PTPRD: variants seen among roughly 807,000 people sequenced by gnomAD.
PTPRD encodes the protein protein tyrosine phosphatase receptor type D.
In PTPRD, 34 loss-of-function variants were observed where a neutral mutation model predicts 214.5. The observed-to-expected ratio is 0.16, with a 90% confidence interval of 0.12 to 0.21. The LOEUF is 0.21. Among genes scored for constraint, PTPRD ranks in the 10% least tolerant of loss-of-function variants. The pLI is 1.00. For synonymous variants in PTPRD, 1,128 were observed against 845.7 expected (o/e 1.33, Z -5.79); for missense variants, 2,545 against 2,398.7 (o/e 1.06, Z -1.27).
chr9:10,550,666 T>G (rs886961456), intron 2 of PTPRD, among the ~76,000 whole-genome samples: 3 of 152,152 alleles, frequency 2.0e-5, no homozygotes, highest in African/African-American at 7.2e-5. Context: ...ACTTTGGAGC[T>G]GAGAGAGTGT....
intron 7 of PTPRD, among the ~76,000 whole-genome samples, chr9:9,605,720 A>T (rs1012717693): frequency 2.0e-5 from 3 of 152,104 alleles, no homozygotes; most frequent in African/African-American, 7.2e-5. Context: ...TACAAGGGCA[A>T]CAACTAGATT....
intron 11 of PTPRD, among the ~76,000 whole-genome samples, chr9:8,905,285 G>A (rs1052183329): frequency 6.6e-6 from 1 of 151,750 alleles, no homozygotes; most frequent in Non-Finnish European, 1.5e-5. Flanking sequence ...TCATAGATAT[G>A]TATAAACTTG....
chr9:10,274,917 T>C (rs1044522830), intron 3 of PTPRD, among the ~76,000 whole-genome samples: 1 of 152,128 alleles, frequency 6.6e-6, no homozygotes, highest in Non-Finnish European at 1.5e-5. Flanking sequence ...GGGTGTATTG[T>C]AGTGACTAGG....
rs150389754 is a variant in PTPRD, at chr9:10,534,967, G to A, written c.-600+77431C>T. On this transcript the variant is annotated intron_variant, in intron 2 of 45. Transcript: ENST00000381196. ...AACATTGCAGCCCACTTCAGTTTAT[G>A]TAGGCAGTCAGCCTTTTATCGCTGT... 6.8e-4 allele frequency among the ~76,000 whole-genome samples: 104 copies of A among 152,244 alleles called. 1 individual carries two copies. Among genetic ancestry groups the A allele is most frequent in the African/African-American group, 2.4e-3 (98 of 41,572 alleles).
intron 33 of PTPRD, among the ~76,000 whole-genome samples, chr9:8,459,078 CTTTTT>C (rs1359509338): frequency 6.6e-6 from 1 of 151,808 alleles, no homozygotes; most frequent in Non-Finnish European, 1.5e-5. Flanking sequence ...GAAGGAGTTT[CTTTTT>C]TTAAGAGTCA....
At chr9:8,747,765 C>A (rs1466382469) in intron 11 of PTPRD, among the ~76,000 whole-genome samples, 1 of 152,156 alleles carries the variant, frequency 6.6e-6, no homozygotes, top group Admixed American at 6.5e-5. Flanking sequence ...CCAAACCTTT[C>A]ACTTAGGCAT....
chr9:10,265,611 T>C (rs1452086573), intron 3 of PTPRD, among the ~76,000 whole-genome samples: 1 of 152,210 alleles, frequency 6.6e-6, no homozygotes, highest in African/African-American at 2.4e-5. Context: ...AACTCTGTCA[T>C]TGTAGCACAA....
intron 34 of PTPRD, among the ~76,000 whole-genome samples, chr9:8,444,275 C>G (rs1424279640): frequency 1.3e-5 from 2 of 152,088 alleles, no homozygotes; most frequent in Non-Finnish European, 2.9e-5. Flanking sequence ...TTGTCATTAT[C>G]TGTTAAAAAG....
intron 2 of PTPRD, among the ~76,000 whole-genome samples, chr9:10,352,769 T>G (rs2097204477): frequency 6.6e-6 from 1 of 152,008 alleles, no homozygotes; most frequent in Admixed American, 6.6e-5. Context: ...TTAAATCTGT[T>G]GTGTAAATGA....
intron 7 of PTPRD, among the ~76,000 whole-genome samples, chr9:9,655,044 G>A (rs1174712968): frequency 1.3e-5 from 2 of 151,808 alleles, no homozygotes; most frequent in Non-Finnish European, 2.9e-5. Flanking sequence ...CTACCTATCT[G>A]AAATGTTTAC....
chr9:8,515,482 C>T (rs2097767183), intron 21 of PTPRD, among the ~76,000 whole-genome samples: 1 of 152,156 alleles, frequency 6.6e-6, no homozygotes, highest in Admixed American at 6.6e-5. Flanking sequence ...TCCCCAGTAC[C>T]TCAGAGCATA....
intron 7 of PTPRD, among the ~76,000 whole-genome samples, chr9:9,576,617 A>G (rs1357824202): frequency 6.6e-6 from 1 of 152,188 alleles, no homozygotes; most frequent in Non-Finnish European, 1.5e-5. Flanking sequence ...AGGTGCAGCA[A>G]ATTAAATTTT....
At chr9:8,502,230 C>T (rs1410619916) in intron 23 of PTPRD, among the ~76,000 whole-genome samples, 1 of 151,932 alleles carries the variant, frequency 6.6e-6, no homozygotes, top group African/African-American at 2.4e-5. Flanking sequence ...ATATTATGTT[C>T]CTAAAGAAAA....
chr9:8,489,294 A>G (rs1038304670), intron 27 of PTPRD, among the ~76,000 whole-genome samples: 1 of 152,162 alleles, frequency 6.6e-6, no homozygotes, highest in African/African-American at 2.4e-5. Context: ...ATCCTGGGAC[A>G]GAAAGGCTTG....
intron 9 of PTPRD, among the ~76,000 whole-genome samples, chr9:9,358,527 T>G (rs1456601695): frequency 6.6e-6 from 1 of 151,278 alleles, no homozygotes; most frequent in African/African-American, 2.4e-5. Context: ...TTAAAATGAA[T>G]GTCATATTTT....
chr9:9,101,905 T>C (rs557882180), intron 10 of PTPRD, among the ~76,000 whole-genome samples: 1 of 152,304 alleles, frequency 6.6e-6, no homozygotes, highest in Non-Finnish European at 1.5e-5. Flanking sequence ...AAAAATTGAC[T>C]ATCCTGAGTT....
In PTPRD at chr9:9,831,227, A is replaced by G. The variant is rs141679310; in HGVS notation, c.-367-64376T>C. Among the ~76,000 whole-genome samples, 465 of 152,044 alleles carry G rather than the reference A, an allele frequency of 3.1e-3. 4 individuals carry two copies. The highest frequency in any genetic ancestry group is 0.011 in the African/African-American group (439 of 41,520). ...AGCATAAATACAGTGAACGACACAC[A>G]CTTCTAAATTCTCTGCTAAAGGAAC... On this transcript the variant is annotated intron_variant, in intron 5 of 45. Transcript: ENST00000381196.
intron 2 of PTPRD, among the ~76,000 whole-genome samples, chr9:10,358,315 T>A (rs191446148): frequency 1.0e-3 from 158 of 152,186 alleles, no homozygotes; most frequent in African/African-American, 3.8e-3. Context: ...TTAGCATAAA[T>A]TTAATGCATG....
At chr9:10,523,601 G>GTATATATATCTATATATATATA (rs2053145468) in intron 2 of PTPRD, among the ~76,000 whole-genome samples, 1 of 64,336 alleles carries the variant, frequency 1.6e-5, no homozygotes, top group Non-Finnish European at 3.2e-5. Context: ...ATATTTATCT[G>GTATATATATCTATATATATATA]TATATATATA....
Sources: gnomAD v4.1 joint callset for allele counts (sites outside exome capture counted in the v4.1 genomes callset) on GRCh38, gnomAD v4.1.1 for gene constraint, MANE v1.5 for transcripts, NCBI Gene and HGNC (gene_info 2026-07-23, HGNC 2026-07-21) for gene names.